The following PLB1 variants were observed in gnomAD, a reference collection of about 807,000 sequenced individuals.
The protein encoded by PLB1 is phospholipase B1.
PLB1 carries 242 observed loss-of-function variants against 227.4 expected under a neutral mutation model. The ratio of observed to expected loss-of-function variants is 1.06; its 90% confidence interval spans 0.96 to 1.18. The LOEUF (loss-of-function observed/expected upper bound fraction) is 1.18. Ranked by LOEUF, PLB1 falls within the 50% of genes most tolerant of loss-of-function variation. PLB1 has a pLI of 0.00. For synonymous variants in PLB1, 757 were observed against 682.2 expected, an observed-to-expected ratio of 1.11 and a Z score of -1.71; for missense variants, 1,858 against 1,816.3, an observed-to-expected ratio of 1.02 and a Z score of -0.42.
chr2:28,541,093 G>A (rs1356455707), intron 12 of PLB1, among the ~76,000 whole-genome samples: 1 of 152,126 alleles, frequency 6.6e-6, no homozygotes, highest in Non-Finnish European at 1.5e-5. Flanking sequence ...AGTCGTTTGA[G>A]CTTGGCAGGT....
intron 20 of PLB1, among the ~76,000 whole-genome samples, chr2:28,568,989 G>T (rs1167505247): frequency 6.6e-6 from 1 of 152,204 alleles, no homozygotes; most frequent in Non-Finnish European, 1.5e-5. Context: ...TCGCTCAGGT[G>T]ATTTCACAGT....
intron 23 of PLB1, 37 bp downstream of exon 23, chr2:28,579,744 A>G (rs1235494687): frequency 6.4e-7 from 1 of 1,557,222 alleles, no homozygotes; most frequent in Admixed American, 1.7e-5. Flanking sequence ...ACTCACCCCC[A>G]GAGAAGGATT....
Position 28,566,778 on chromosome 2 carries a change from C to G in PLB1, c.1281-18C>G. 1 of 1,613,950 alleles carries G rather than the reference C, an allele frequency of 6.2e-7. No individual in the cohort carries two copies. The highest frequency in any genetic ancestry group is 1.1e-5 in the South Asian group (1 of 91,076). On this transcript the variant is annotated intron_variant, in intron 19 of 57. Coordinates refer to ENST00000327757, the MANE Select transcript of PLB1 (RefSeq NM_153021.5). ...GGGATTTTAACCCTTCATTTTCTTT[C>G]TTGGACCCACGTTACAGCGTCGGCG...
intron 6 of PLB1, 35 bp downstream of exon 6, chr2:28,525,980 G>A: frequency 6.2e-7 from 1 of 1,613,054 alleles, no homozygotes; most frequent in Non-Finnish European, 8.5e-7. Flanking sequence ...ATTTCAGAGT[G>A]CCCCTCTCCT....
At chr2:28,582,211 C>A in intron 24 of PLB1, 78 bp downstream of exon 24, 1 of 1,492,124 alleles carries the variant, frequency 6.7e-7, no homozygotes. Flanking sequence ...CCTGCTGAGA[C>A]CTCCTTGGCA....
At chr2:28,603,943 C>G in intron 39 of PLB1, 23 bp from the exon 40 acceptor site, 1 of 1,611,230 alleles carries the variant, frequency 6.2e-7, no homozygotes, top group Non-Finnish European at 8.5e-7. Flanking sequence ...TCTGGGGCCT[C>G]CTGCCTCCCC....
chr2:28,579,662 C>G lies in PLB1; in HGVS notation c.1521C>G (p.Thr507=), dbSNP rs1373190328. The G allele has an allele frequency of 2.5e-6, 4 of 1,613,328 alleles. No individual in the cohort carries two copies. The South Asian group carries it at 3.3e-5, about 13-fold the overall frequency. ...IHFQEDWKII[T]LFIGGNDLCD... is the part of the protein sequence containing the mutation. ...TTCAGGAAGACTGGAAGATAATAACCCTGTTTATAGGCGGCAATGACCTCT... is the reference window on the plus strand; with the variant it reads ...TTCAGGAAGACTGGAAGATAATAACGCTGTTTATAGGCGGCAATGACCTCT... The change falls in exon 23 of 58, where the codon ACC becomes ACG. Residue 507 remains threonine (T), a synonymous_variant. Coordinates refer to ENST00000327757, the MANE Select transcript of PLB1 (RefSeq NM_153021.5).
chr2:28,509,023 C>A (rs185356810), intron 1 of PLB1, among the ~76,000 whole-genome samples: 1 of 152,138 alleles, frequency 6.6e-6, no homozygotes, highest in African/African-American at 2.4e-5. Context: ...TTCTTTGATC[C>A]TCATAACGAC....
At position 28,601,302 on chromosome 2, in the gene PLB1, C is replaced by T; in HGVS notation, c.2577C>T (p.Gly859=). 1 of 1,613,990 alleles carries T rather than the reference C, an allele frequency of 6.2e-7. No homozygotes were observed. Among genetic ancestry groups the T allele is most frequent in the East Asian group, 2.2e-5 (1 of 44,898 alleles). ...AGGTCATCACAGTGCTGATCGGAGG[C>T]AGCGATTTATGTGACTACTGCACAG... ...DWKVITVLIG[G]SDLCDYCTDS... Residue 859 remains glycine, a synonymous_variant, in exon 37 of 58, where the codon GGC becomes GGT. Transcript: ENST00000327757.
At chr2:28,570,245 A>G (rs1439716896) in intron 20 of PLB1, among the ~76,000 whole-genome samples, 2 of 152,200 alleles carry the variant, frequency 1.3e-5, no homozygotes, top group African/African-American at 4.8e-5. Context: ...ACCAGTAAGT[A>G]TTATGAATGT....
At chr2:28,517,414 C>T (rs912470097) in intron 2 of PLB1, among the ~76,000 whole-genome samples, 2 of 152,186 alleles carry the variant, frequency 1.3e-5, no homozygotes, top group South Asian at 4.1e-4. Context: ...TTCACAAAAG[C>T]AGAAGCTGCC....
chr2:28,588,383 C>G (rs1026358304), intron 26 of PLB1, among the ~76,000 whole-genome samples: 3 of 152,220 alleles, frequency 2.0e-5, no homozygotes, highest in African/African-American at 7.2e-5. Context: ...TTCCCCTCTT[C>G]TGAGAGACGA....
intron 46 of PLB1, among the ~76,000 whole-genome samples, chr2:28,619,755 T>A (rs1260478388): frequency 6.6e-6 from 1 of 152,022 alleles, no homozygotes; most frequent in Non-Finnish European, 1.5e-5. Context: ...TTGTGTGGAC[T>A]GGGAAGGAGG....
intron 11 of PLB1, 89 bp downstream of exon 11, chr2:28,539,267 G>T: frequency 8.3e-7 from 1 of 1,203,190 alleles, no homozygotes; most frequent in Non-Finnish European, 1.2e-6. Context: ...CGTAATCTAT[G>T]AGGGAGCCCT....
chr2:28,633,019 A>G lies in PLB1; in HGVS notation c.4078A>G (p.Ile1360Val). ...AGACCGCGGGCATGCCGAGATGGCCATCGCACTCTGGAACAACATGGTGAG... is the reference window on the plus strand; with the variant it reads ...AGACCGCGGGCATGCCGAGATGGCCGTCGCACTCTGGAACAACATGGTGAG... ...FSDRGHAEMA[I>V]ALWNNMLEPV... is the part of the protein sequence containing the mutation. The change falls in exon 56 of 58, where the codon ATC (isoleucine) becomes GTC (valine). Residue 1360 changes from isoleucine (I) to valine (V), a missense_variant. By Grantham distance (29) the Ile-to-Val change is conservative. Coordinates refer to ENST00000327757, the MANE Select transcript of PLB1 (RefSeq NM_153021.5). 6.2e-7 allele frequency: 1 copy of G among 1,614,100 alleles called. No homozygotes were observed. The highest frequency in any genetic ancestry group is 8.5e-7 in the Non-Finnish European group (1 of 1,180,012).
intron 4 of PLB1, among the ~76,000 whole-genome samples, chr2:28,524,921 T>C (rs1380986803): frequency 6.6e-6 from 1 of 150,760 alleles, no homozygotes; most frequent in Non-Finnish European, 1.5e-5. Flanking sequence ...CATCTTGGCT[T>C]GCTGCAACCT....
chr2:28,558,143 GGTGTGTGTGTCTCTGTGTGTGT>G (rs1451831665), intron 17 of PLB1, among the ~76,000 whole-genome samples: 1 of 115,680 alleles, frequency 8.6e-6, no homozygotes, highest in Non-Finnish European at 1.9e-5. Flanking sequence ...AACATAGGGG[GGTGTGTGTGTCTCTGTGTGTGT>G]GTGTGTGTGT....
At position 28,582,500 on chromosome 2, in the gene PLB1, C is replaced by T. The variant is rs1370199279; in HGVS notation, c.1728C>T (p.Ile576=). ...QEKKVYCPRM[I]LRSLCPCVLK... Reference sequence around the variant, plus strand: ...AAAAAGTCTACTGCCCAAGGATGATCCTCAGGTCAGACAGATACTTCTCCC... The same window carrying T: ...AAAAAGTCTACTGCCCAAGGATGATTCTCAGGTCAGACAGATACTTCTCCC... The change falls in exon 25 of 58, where the codon ATC becomes ATT. Residue 576 remains isoleucine, a synonymous_variant. Coordinates refer to ENST00000327757, the MANE Select transcript of PLB1 (RefSeq NM_153021.5). 6.2e-7 allele frequency: 1 copy of T among 1,602,278 alleles called. No individual in the cohort carries two copies.
At chr2:28,558,143 GGTGTGTGTGTCTCTGTGTGTGTGTGT>G (rs1457167967) in intron 17 of PLB1, among the ~76,000 whole-genome samples, 7 of 115,680 alleles carry the variant, frequency 6.1e-5, no homozygotes, top group African/African-American at 1.8e-4. Context: ...AACATAGGGG[GGTGTGTGTGTCTCTGTGTGTGTGTGT>G]GTGTGTGTGT....
Sources: allele counts gnomAD v4.1 joint callset (sites outside exome capture counted in the v4.1 genomes callset), GRCh38; gene constraint gnomAD v4.1.1; transcripts MANE v1.5; gene names NCBI Gene and HGNC (gene_info 2026-07-23, HGNC 2026-07-21).